NLRP11: variants seen among roughly 807,000 people sequenced by gnomAD.
The protein encoded by NLRP11 is NLR family pyrin domain containing 11, also known as NACHT, LRR and PYD domains-containing protein 11.
NLRP11 carries 53 observed loss-of-function variants against 79.3 expected under a neutral mutation model. That is an observed-to-expected ratio of 0.67 (90% CI 0.54 to 0.84). The LOEUF is 0.84. Among genes scored for constraint, NLRP11 ranks in the 40% least tolerant of loss-of-function variants. The pLI, the probability that NLRP11 is intolerant of heterozygous loss-of-function variation, is 0.00. For missense variants in NLRP11, 1,264 were observed against 1,255.0 expected (o/e 1.01, Z -0.11); for synonymous variants, 518 against 462.6 (o/e 1.12, Z -1.54).
chr19:55,801,054 C>G (rs1600182672), intron 5 of NLRP11: 1 of 153,068 alleles, frequency 6.5e-6, no homozygotes, highest in East Asian at 1.9e-4. Context: ...TGGCACATAC[C>G]TGAAATCCCA....
Position 55,785,891 on chromosome 19 carries a change from G to A in NLRP11, c.2856-20C>T. ...GGAAGCCTGAAGGAAAACAGAGAGA[G>A]AACGCCGTTAATGCTACATGTGAGG... On this transcript the variant is annotated intron_variant, in intron 9 of 9. Transcript: ENST00000589093. 1.2e-6 allele frequency: 2 copies of A among 1,607,288 alleles called. No homozygotes were observed. Among genetic ancestry groups the A allele is most frequent in the Non-Finnish European group, 1.7e-6 (2 of 1,177,400 alleles).
chr19:55,813,329 G>A (rs938172996), intron 2 of NLRP11, among the ~76,000 whole-genome samples: 3 of 152,044 alleles, frequency 2.0e-5, no homozygotes, highest in African/African-American at 7.2e-5. Flanking sequence ...TAAAGCAGAG[G>A]AAAGTTACAG....
intron 5 of NLRP11, among the ~76,000 whole-genome samples, chr19:55,798,933 G>A (rs1196832589): frequency 1.3e-5 from 2 of 152,198 alleles, no homozygotes; most frequent in Admixed American, 6.5e-5. Flanking sequence ...GAAGGAGTCA[G>A]ATGGATCCAC....
At chr19:55,819,631 A>G (rs1981488314) in intron 1 of NLRP11, among the ~76,000 whole-genome samples, 1 of 152,196 alleles carries the variant, frequency 6.6e-6, no homozygotes, top group African/African-American at 2.4e-5. Context: ...ATGCTTCGAC[A>G]CAGAGAACAA....
intron 4 of NLRP11, among the ~76,000 whole-genome samples, chr19:55,805,777 T>A (rs1979931288): frequency 1.3e-5 from 2 of 152,138 alleles, no homozygotes; most frequent in South Asian, 4.1e-4. Flanking sequence ...CAACCTCAAG[T>A]GATCCACCCG....
Position 55,813,501 on chromosome 19 carries a change from T to C in NLRP11, c.272-3163A>G, listed in dbSNP as rs191120510. ...TTTGTTTTCCACTGGGAGCAGTCTA[T>C]GTAAGTACTAAGACCTTTTGCAATT... On this transcript the variant is annotated intron_variant, in intron 2 of 9. Transcript: ENST00000589093. Among the ~76,000 whole-genome samples the C allele has an allele frequency of 6.0e-4, 92 of 152,324 alleles. 1 individual carries two copies. The highest frequency in any genetic ancestry group is 2.1e-3 in the African/African-American group (86 of 41,586).
chr19:55,820,545 T>A (rs7259889), intron 1 of NLRP11, among the ~76,000 whole-genome samples: 1 of 152,130 alleles, frequency 6.6e-6, no homozygotes, highest in African/African-American at 2.4e-5. Context: ...CCCTTTGAGT[T>A]CCTAAACCTA....
intron 9 of NLRP11, among the ~76,000 whole-genome samples, chr19:55,786,664 T>C (rs1294179071): frequency 1.3e-5 from 2 of 152,344 alleles, no homozygotes; most frequent in East Asian, 3.9e-4. Flanking sequence ...AATTAGCATG[T>C]AGGCACAAAT....
intron 1 of NLRP11, among the ~76,000 whole-genome samples, chr19:55,822,553 C>T (rs1323526437): frequency 1.3e-5 from 2 of 151,812 alleles, no homozygotes; most frequent in Non-Finnish European, 2.9e-5. Flanking sequence ...TCAGTGGATG[C>T]GCGCACCGTG....
At chr19:55,810,064 G>A (rs779869916) in exon 3 of NLRP11, 12 of 1,614,056 alleles carry the variant, frequency 7.4e-6, no homozygotes, top group South Asian at 1.1e-5. Flanking sequence ...GGTGAACGAC[G>A]TACGAGATCA....
At chr19:55,806,452 A>C (rs907921155) in intron 4 of NLRP11, among the ~76,000 whole-genome samples, 2 of 152,124 alleles carry the variant, frequency 1.3e-5, no homozygotes, top group African/African-American at 2.4e-5. Flanking sequence ...TCTCTCTCCT[A>C]GTCTAGATTT....
chr19:55,800,118 C>G (rs66511628), intron 5 of NLRP11, among the ~76,000 whole-genome samples: 2 of 151,840 alleles, frequency 1.3e-5, no homozygotes, highest in Admixed American at 6.6e-5. Context: ...CAGGAGGTGC[C>G]GTTAGAGCAT....
At position 55,808,022 on chromosome 19, in the gene NLRP11, G is replaced by T. The variant is rs767811191; in HGVS notation, c.1842-8C>A. On this transcript the variant is annotated splice_polypyrimidine_tract_variant and splice_region_variant and intron_variant, in intron 3 of 9. Transcript: ENST00000589093. ...ACAAGGCTCTTCATTTGACTACATAGAAGAAAAATTGAGTTTTCCAATGGA... is the reference window on the plus strand; with the variant it reads ...ACAAGGCTCTTCATTTGACTACATATAAGAAAAATTGAGTTTTCCAATGGA... 7.7e-6 allele frequency: 12 copies of T among 1,566,444 alleles called. No individual in the cohort carries two copies. The South Asian group carries it at 1.3e-4, about 17-fold the overall frequency.
intron 4 of NLRP11, among the ~76,000 whole-genome samples, chr19:55,802,922 TC>T (rs1979623280): frequency 6.6e-6 from 1 of 152,132 alleles, no homozygotes; most frequent in Non-Finnish European, 1.5e-5. Context: ...GAGAAAAGAC[TC>T]CCTTTTCAAT....
intron 1 of NLRP11, among the ~76,000 whole-genome samples, chr19:55,821,465 A>G (rs578224229): frequency 1.3e-5 from 2 of 152,328 alleles, no homozygotes; most frequent in East Asian, 3.9e-4. Flanking sequence ...AGCTGTGAAC[A>G]GGACTGTGCC....
chr19:55,820,941 T>C (rs1327147035), intron 1 of NLRP11, among the ~76,000 whole-genome samples: 1 of 152,128 alleles, frequency 6.6e-6, no homozygotes, highest in Non-Finnish European at 1.5e-5. Flanking sequence ...GCCTGCTACA[T>C]TGGCCGTTGG....
chr19:55,803,200 A>T (rs954120612), intron 4 of NLRP11, among the ~76,000 whole-genome samples: 3 of 152,122 alleles, frequency 2.0e-5, no homozygotes, highest in African/African-American at 7.2e-5. Context: ...CACAAAAATT[A>T]GCTGGGCGTG....
Position 55,817,988 on chromosome 19 carries a change from G to A in NLRP11, c.187C>T (p.Gln63Ter). The A allele has an allele frequency of 6.2e-7, 1 of 1,612,656 alleles. No homozygotes were observed. The highest frequency in any genetic ancestry group is 8.5e-7 in the Non-Finnish European group (1 of 1,178,732). Reference sequence around the variant, plus strand: ...CTGAAGAGCATATTCCATATATACTGTCCCTCATAAGAGATTGGCAACACG... The same window carrying A: ...CTGAAGAGCATATTCCATATATACTATCCCTCATAAGAGATTGGCAACACG... The change falls in exon 2 of 10, where the codon CAG becomes TAG. Residue 63 changes from glutamine (Q) to a stop codon, truncating the protein, a stop_gained. Coordinates refer to ENST00000589093, the Ensembl canonical transcript of NLRP11. LOFTEE classifies it high-confidence loss of function.
chr19:55,821,226 CACACACACACACACACACACACA>C (rs1240677880), intron 1 of NLRP11, among the ~76,000 whole-genome samples: 1 of 105,218 alleles, frequency 9.5e-6, no homozygotes, highest in Non-Finnish European at 1.7e-5. Flanking sequence ...CACACACACA[CACACACACACACACACACACACA>C]CCCCAAGCAC....
Sources: allele counts gnomAD v4.1 joint callset (sites outside exome capture counted in the v4.1 genomes callset), GRCh38; gene constraint gnomAD v4.1.1; transcripts MANE v1.5; gene names NCBI Gene and HGNC (gene_info 2026-07-23, HGNC 2026-07-21).